The following DTX2 variants were observed in gnomAD, a reference collection of about 807,000 sequenced individuals.
DTX2 encodes the protein probable E3 ubiquitin-protein ligase DTX2.
Under a neutral mutation model 55.3 loss-of-function variants are expected in DTX2, and 29 were observed. The ratio of observed to expected loss-of-function variants is 0.52; its 90% CI spans 0.39 to 0.71. The LOEUF is 0.71. Ranked by LOEUF, DTX2 falls within the 30% of genes least tolerant of loss-of-function variation. DTX2 has a pLI of 0.00. For synonymous variants in DTX2, 276 were observed against 340.4 expected (o/e 0.81, Z 2.08); for missense variants, 537 against 822.5 (o/e 0.65, Z 4.25).
At chr7:76,476,461 G>T in intron 2 of DTX2, among the ~76,000 whole-genome samples, 1 of 152,030 alleles carries the variant, frequency 6.6e-6, no homozygotes, top group East Asian at 1.9e-4. Flanking sequence ...TTGGGCACCT[G>T]AAGAGCTGCA....
intron 3 of DTX2, 146 bp downstream of exon 3, chr7:76,480,923 AGTGG>A (rs1296748413): frequency 1.1e-6 from 1 of 939,374 alleles, no homozygotes; most frequent in East Asian, 2.7e-5. Flanking sequence ...GGGTGCAGTG[AGTGG>A]GAACATCCAC....
intron 2 of DTX2, among the ~76,000 whole-genome samples, chr7:76,469,230 G>A (rs1019773092): frequency 6.6e-6 from 1 of 150,580 alleles, no homozygotes; most frequent in Non-Finnish European, 1.5e-5. Flanking sequence ...CATGGTAGCT[G>A]TGGCCACCCA....
chr7:76,464,805 G>A (rs1463623211), intron 2 of DTX2, among the ~76,000 whole-genome samples: 5 of 150,802 alleles, frequency 3.3e-5, no homozygotes, highest in Non-Finnish European at 5.9e-5. Flanking sequence ...CTTCTTCGTG[G>A]GGAGAGGCAG....
intron 2 of DTX2, among the ~76,000 whole-genome samples, chr7:76,475,724 G>T (rs1251110960): frequency 6.7e-6 from 1 of 150,066 alleles, no homozygotes; most frequent in Non-Finnish European, 1.5e-5. Flanking sequence ...ATAATTCTTT[G>T]ATTCCAGTGA....
Position 76,483,002 on chromosome 7 carries a change from G to A in DTX2, c.763G>A (p.Ala255Thr). ...APYNKPSLSG[A>T]RSAPRLNTTN... ...GTACAACAAACCCTCACTCTCCGGG[G>A]CCCGGTCTGCGCCCAGGCTGAACAC... Residue 255 changes from alanine (A) to threonine (T), a missense_variant, in exon 4 of 11, where the codon GCC becomes ACC. Physicochemically the swap from Ala to Thr is moderately conservative, Grantham distance 58 (BLOSUM62 0). Transcript: ENST00000430490. 6.2e-7 allele frequency: 1 copy of A among 1,613,548 alleles called. No individual in the cohort carries two copies. Among genetic ancestry groups the A allele is most frequent in the Non-Finnish European group, 8.5e-7 (1 of 1,179,712 alleles).
intron 5 of DTX2, 118 bp from the exon 6 acceptor site, chr7:76,497,218 TC>T: frequency 1.1e-6 from 1 of 883,834 alleles, no homozygotes. Flanking sequence ...GACCTGTGCG[TC>T]CCCGTGGCCA....
intron 7 of DTX2, chr7:76,502,019 T>C (rs1309949854): frequency 2.5e-5 from 11 of 445,418 alleles, no homozygotes; most frequent in Admixed American, 3.7e-5. Flanking sequence ...CCCGAGTAGC[T>C]GGGATTATAG....
At chr7:76,504,878 C>G (rs1408087265) in intron 10 of DTX2, among the ~76,000 whole-genome samples, 2 of 151,996 alleles carry the variant, frequency 1.3e-5, no homozygotes, top group African/African-American at 4.8e-5. Context: ...AGGGTGCCCC[C>G]CAGGCCAGCA....
intron 2 of DTX2, among the ~76,000 whole-genome samples, chr7:76,469,390 A>T (rs1027236764): frequency 2.0e-3 from 208 of 105,444 alleles, no homozygotes; most frequent in Middle Eastern, 0.011. Flanking sequence ...TACTGTGAAT[A>T]TTCCTTTTTT....
At chr7:76,502,752 G>A (rs948660670) in intron 8 of DTX2, 12 of 479,926 alleles carry the variant, frequency 2.5e-5, no homozygotes, top group African/African-American at 9.5e-5. Context: ...CCAGGGCACC[G>A]CCTCCCCCTC....
In DTX2 at chr7:76,482,610, A is replaced by G. The variant is rs1809373515; in HGVS notation, c.371A>G (p.Tyr124Cys). ...WLSDDGSWTA[Y>C]EASVCDYLEQ... ...AGCGACGATGGCTCCTGGACTGCCT[A>G]TGAAGCCAGCGTCTGTGACTATCTG... The change falls in exon 4 of 11, where the codon TAT (tyrosine) becomes TGT (cysteine). Residue 124 changes from tyrosine to cysteine, a missense_variant. Coordinates refer to ENST00000430490, the MANE Select transcript of DTX2 (RefSeq NM_001102594.3). The G allele has an allele frequency of 3.7e-6, 6 of 1,613,748 alleles. No homozygotes were observed. Among genetic ancestry groups the G allele is most frequent in the Non-Finnish European group, 4.2e-6 (5 of 1,179,806 alleles).
intron 2 of DTX2, among the ~76,000 whole-genome samples, chr7:76,474,346 C>T (rs1187586684): frequency 6.6e-6 from 1 of 151,956 alleles, no homozygotes; most frequent in Non-Finnish European, 1.5e-5. Flanking sequence ...TGAGCCACCA[C>T]GCTTGGCCTG....
chr7:76,477,266 T>C (rs1208741866), intron 2 of DTX2: 1 of 144,060 alleles, frequency 6.9e-6, no homozygotes, highest in Admixed American at 6.9e-5. Context: ...TGCCAATTCC[T>C]GTGTTCGGAG....
chr7:76,486,951 A>G (rs1261428582), intron 4 of DTX2, among the ~76,000 whole-genome samples: 48 of 138,858 alleles, frequency 3.5e-4, no homozygotes, highest in African/African-American at 1.2e-3. Context: ...GGCTTGTGGG[A>G]TTGGAGTCAT....
intron 2 of DTX2, chr7:76,474,891 A>G (rs1181279461): frequency 6.6e-6 from 1 of 152,094 alleles, no homozygotes; most frequent in South Asian, 2.1e-4. Context: ...GCAGCATTCC[A>G]TGGTGCCTCA....
rs768512774 is a variant in DTX2 at position 76,482,853 on chromosome 7, G to C, written c.614G>C (p.Ser205Thr). 37 of 1,613,754 alleles carry C rather than the reference G, an allele frequency of 2.3e-5. No individual in the cohort carries two copies. Among genetic ancestry groups the C allele is most frequent in the Non-Finnish European group, 3.1e-5 (37 of 1,179,716 alleles). ...TCTTGCCACCAGTGCCTCAGTGGCAGCAGAACTGGCCCCGTGTCAGGCCGC... is the reference window on the plus strand; with the variant it reads ...TCTTGCCACCAGTGCCTCAGTGGCACCAGAACTGGCCCCGTGTCAGGCCGC... ...ACSCHQCLSG[S>T]RTGPVSGRYR... The change falls in exon 4 of 11, where the codon AGC becomes ACC. Residue 205 changes from serine to threonine, a missense_variant. By Grantham distance (58) the Ser-to-Thr change is moderately conservative. Coordinates refer to ENST00000430490, the MANE Select transcript of DTX2 (RefSeq NM_001102594.3).
At chr7:76,494,909 T>C (rs1203397254) in intron 5 of DTX2, among the ~76,000 whole-genome samples, 2 of 104,350 alleles carry the variant, frequency 1.9e-5, no homozygotes, top group African/African-American at 3.8e-5. Context: ...TGCTTGTGGG[T>C]TGAGGAATTA....
chr7:76,502,597 A>G, intron 8 of DTX2, 141 bp downstream of exon 8: 10 of 969,662 alleles, frequency 1.0e-5, no homozygotes, highest in African/African-American at 1.6e-5. Flanking sequence ...GGCCAGCTTG[A>G]AGACCTTTCT....
At chr7:76,499,219 G>T (rs1189588936) in intron 6 of DTX2, among the ~76,000 whole-genome samples, 24 of 31,612 alleles carry the variant, frequency 7.6e-4, no homozygotes, top group Admixed American at 1.6e-3. Context: ...TTCCCTCCAG[G>T]TCACAGCAGC....
Sources: allele counts gnomAD v4.1 joint callset (sites outside exome capture counted in the v4.1 genomes callset), GRCh38; gene constraint gnomAD v4.1.1; transcripts MANE v1.5; gene names NCBI Gene and HGNC (gene_info 2026-07-23, HGNC 2026-07-21).